The following DGKH variants were observed in gnomAD, a reference collection of about 807,000 sequenced individuals.
DGKH encodes DAG kinase eta.
In DGKH, 90 loss-of-function variants were observed where a neutral mutation model predicts 159.3. The ratio of observed to expected loss-of-function variants is 0.57; its 90% CI spans 0.48 to 0.67. DGKH has a LOEUF of 0.67. Ranked by LOEUF, DGKH falls within the 30% of genes least tolerant of loss-of-function variation. The pLI is 0.00. For synonymous variants in DGKH, 536 were observed against 553.8 expected (o/e 0.97, Z 0.45); for missense variants, 1,181 against 1,506.1 (o/e 0.78, Z 3.57).
At chr13:42,153,902 G>T (rs1161409028) in intron 3 of DGKH, 1 of 152,224 alleles carries the variant, frequency 6.6e-6, no homozygotes, top group Non-Finnish European at 1.5e-5. Context: ...ACTTTTGGCT[G>T]GCTGTATTTA....
At chr13:42,119,934 C>T (rs949415154) in intron 1 of DGKH, among the ~76,000 whole-genome samples, 1 of 152,058 alleles carries the variant, frequency 6.6e-6, no homozygotes. Flanking sequence ...TGAAGAATAA[C>T]TCTCTTAAAT....
chr13:42,194,987 C>G lies in DGKH; in HGVS notation c.2138C>G (p.Pro713Arg), dbSNP rs748321189. The stretch of plus-strand genomic sequence containing the variant: ...GTGGCAGCCAGCAAAGAAAACCTCC[C>G]TGTGCTCAATACCAGAATAATCTGC... The part of the protein sequence containing the change: ...PAVAASKENL[P>R]VLNTRIICPG... Residue 713 changes from proline to arginine, a missense_variant, in exon 17 of 30, where the codon CCT (proline) becomes CGT (arginine). By Grantham distance (103) the Pro-to-Arg change is moderately radical. Transcript: ENST00000337343. The G allele has an allele frequency of 6.2e-7, 1 of 1,614,054 alleles. No individual in the cohort carries two copies. The highest frequency in any genetic ancestry group is 1.3e-5 in the African/African-American group (1 of 75,038).
rs1957771197 is a variant in DGKH at position 42,215,650 on chromosome 13, G to T, written c.3196G>T (p.Val1066Phe). ...ALYNETESLLVGRVPLQLESP... is the reference protein window; with the variant it reads ...ALYNETESLLFGRVPLQLESP... Reference sequence around the variant, plus strand: ...GTATAATGAAACAGAATCTTTGCTAGTTGGCAGGGTTCCTTTGGTAAGGAA... The same window carrying T: ...GTATAATGAAACAGAATCTTTGCTATTTGGCAGGGTTCCTTTGGTAAGGAA... The change falls in exon 26 of 30, where the codon GTT becomes TTT. Residue 1066 changes from valine (V) to phenylalanine (F), a missense_variant. This residue lies in a region of DGKH where 335 missense variants were observed against 495.2 expected (regional missense o/e 0.68). Transcript: ENST00000337343. The T allele has an allele frequency of 1.2e-6, 2 of 1,610,174 alleles. No homozygotes were observed. Among genetic ancestry groups the T allele is most frequent in the African/African-American group, 1.3e-5 (1 of 74,878 alleles).
At chr13:42,165,198 C>T in intron 7 of DGKH, 133 bp from the exon 8 acceptor site, 1 of 457,736 alleles carries the variant, frequency 2.2e-6, no homozygotes, top group Non-Finnish European at 3.9e-6. Flanking sequence ...AATGTTATAC[C>T]ATTTAAAGTA....
In DGKH at chr13:42,118,649, G is replaced by C. The variant is rs567083803; in HGVS notation, c.193-8814G>C. 2.1e-4 allele frequency among the ~76,000 whole-genome samples: 32 copies of C among 152,332 alleles called. 1 individual carries two copies. The South Asian group carries it at 6.4e-3, about 31-fold the overall frequency. On this transcript the variant is annotated intron_variant, in intron 1 of 29. Transcript: ENST00000337343. ...ACGCCTTCCCAGGGCTAATGGTGCTGGATGAATGTTGAGATGAATAGATTT... is the reference window on the plus strand; with the variant it reads ...ACGCCTTCCCAGGGCTAATGGTGCTCGATGAATGTTGAGATGAATAGATTT...
At chr13:42,083,176 T>C (rs1015581378) in intron 1 of DGKH, among the ~76,000 whole-genome samples, 4 of 152,156 alleles carry the variant, frequency 2.6e-5, no homozygotes, top group African/African-American at 9.7e-5. Context: ...TGTTAGTAAA[T>C]ATGCTGCCAG....
At chr13:42,098,038 C>T (rs1197436618) in intron 1 of DGKH, among the ~76,000 whole-genome samples, 3 of 152,128 alleles carry the variant, frequency 2.0e-5, no homozygotes, top group Non-Finnish European at 4.4e-5. Flanking sequence ...TGTCTTCTCT[C>T]CCATTTTGTT....
Position 42,229,172 on chromosome 13 carries a change from C to T in DGKH, c.3647C>T (p.Pro1216Leu), listed in dbSNP as rs2138284976. Residue 1216 changes from proline (P) to leucine (L), a missense_variant, in exon 30 of 30, where the codon CCA becomes CTA. Physicochemically the swap from Pro to Leu is moderately conservative, Grantham distance 98. This residue lies in a region of DGKH where 84 missense variants were observed against 77.9 expected (regional missense o/e 1.08). Coordinates refer to ENST00000337343, the MANE Select transcript of DGKH (RefSeq NM_178009.5). ...ATTAAAGAGCTTGGAAGGAGCACTCCACAGTCGGAGGTGTAATCATATTGG... is the reference window on the plus strand; with the variant it reads ...ATTAAAGAGCTTGGAAGGAGCACTCTACAGTCGGAGGTGTAATCATATTGG... ...QGIKELGRST[P>L]QSEV is the part of the protein sequence containing the mutation. 1 of 1,610,326 alleles carries T rather than the reference C, an allele frequency of 6.2e-7. No homozygotes were observed.
rs1361481639 is a variant in DGKH, at chr13:42,231,683, A to T, written c.*2495A>T. On this transcript the variant is annotated 3_prime_UTR_variant, in exon 30 of 30. Coordinates refer to ENST00000337343, the MANE Select transcript of DGKH (RefSeq NM_178009.5). Reference sequence around the variant, plus strand: ...GCTAATAGAAAAGAGTCTAGCTATGATGTGTCCCAAATTTAAGAGTGTGAT... The same window carrying T: ...GCTAATAGAAAAGAGTCTAGCTATGTTGTGTCCCAAATTTAAGAGTGTGAT... 1 of 152,186 alleles carries T rather than the reference A, an allele frequency of 6.6e-6. No individual in the cohort carries two copies. The highest frequency in any genetic ancestry group is 2.4e-5 in the African/African-American group (1 of 41,440). 9.4% of individuals were successfully genotyped at this position (152,186 alleles called of 1,614,324 possible).
intron 17 of DGKH, 76 bp from the exon 18 acceptor site, chr13:42,198,402 T>G: frequency 8.0e-7 from 1 of 1,249,070 alleles, no homozygotes; most frequent in Non-Finnish European, 1.1e-6. Flanking sequence ...ATATTTGATA[T>G]CAGGCCTGGA....
intron 1 of DGKH, among the ~76,000 whole-genome samples, chr13:42,074,461 A>G (rs1190212864): frequency 6.6e-6 from 1 of 152,172 alleles, no homozygotes; most frequent in Non-Finnish European, 1.5e-5. Context: ...TAAAGGAAAT[A>G]TTTGCAAACT....
chr13:42,166,366 G>A (rs909712946), intron 8 of DGKH, 149 bp from the exon 9 acceptor site: 2 of 557,654 alleles, frequency 3.6e-6, no homozygotes, highest in Middle Eastern at 5.0e-4. Context: ...AGGTTTGTAT[G>A]TAAATAGTTA....
At chr13:42,164,003 G>A (rs993364801) in intron 7 of DGKH, among the ~76,000 whole-genome samples, 1 of 152,110 alleles carries the variant, frequency 6.6e-6, no homozygotes, top group South Asian at 2.1e-4. Flanking sequence ...TAGGTCTAAA[G>A]TTTAAGTCTT....
At chr13:42,207,066 T>TTTCC (rs1566192136) in intron 21 of DGKH, among the ~76,000 whole-genome samples, 4 of 85,068 alleles carry the variant, frequency 4.7e-5, no homozygotes, top group African/African-American at 2.0e-4. Context: ...TCCTTCCTTC[T>TTTCC]TTCTTTCTTT....
chr13:42,215,698 A>C, intron 26 of DGKH, 31 bp downstream of exon 26: 1 of 1,566,424 alleles, frequency 6.4e-7, no homozygotes, highest in Non-Finnish European at 8.8e-7. Flanking sequence ...TAACATAAGA[A>C]TGATGAATTA....
chr13:42,213,344 G>A (rs1957709060), intron 24 of DGKH, among the ~76,000 whole-genome samples: 2 of 152,176 alleles, frequency 1.3e-5, no homozygotes, highest in Non-Finnish European at 2.9e-5. Context: ...GAGCCATAGG[G>A]TTCAGGAAGA....
intron 1 of DGKH, among the ~76,000 whole-genome samples, chr13:42,125,056 C>T (rs527448624): frequency 1.3e-5 from 2 of 152,164 alleles, no homozygotes; most frequent in Non-Finnish European, 2.9e-5. Context: ...CCATTTGAAT[C>T]GCCACCTCCT....
chr13:42,044,525 G>A (rs1022218428), upstream of DGKH, among the ~76,000 whole-genome samples: 1 of 152,102 alleles, frequency 6.6e-6, no homozygotes, highest in Admixed American at 6.5e-5. Context: ...TCCTGACCTC[G>A]TGATCCGTTC....
At position 42,233,148 on chromosome 13, in the gene DGKH, A is replaced by T. The variant is rs760446330; in HGVS notation, c.*3960A>T. On this transcript the variant is annotated 3_prime_UTR_variant, in exon 30 of 30. Transcript: ENST00000337343. ...CCCTACTCTTTAAAAAAATTAATTT[A>T]ATTAGAAACTCCATTTCTCAGTTGC... The T allele has an allele frequency of 6.6e-6, 1 of 152,204 alleles. No individual in the cohort carries two copies. Among genetic ancestry groups the T allele is most frequent in the Non-Finnish European group, 1.5e-5 (1 of 68,052 alleles). The allele number at this position is 152,204 out of a possible 1,614,324, so 9.4% of individuals were successfully genotyped here. A position where few individuals can be genotyped will look rare whatever the true frequency, so the allele number is the denominator to read the frequency against.
Sources: gnomAD v4.1 joint callset for allele counts (sites outside exome capture counted in the v4.1 genomes callset) on GRCh38, gnomAD v4.1.1 for gene constraint, gnomAD v4.1.1 regional missense constraint, MANE v1.5 for transcripts, NCBI Gene and HGNC (gene_info 2026-07-23, HGNC 2026-07-21) for gene names.